DIPK1A: variants seen among roughly 807,000 people sequenced by gnomAD.
DIPK1A encodes divergent protein kinase domain 1A, also known as family with sequence similarity 69 member A.
DIPK1A carries 27 observed loss-of-function variants against 40.8 expected under a neutral mutation model. The observed-to-expected ratio is 0.66, with a 90% CI of 0.49 to 0.91. The LOEUF (loss-of-function observed/expected upper bound fraction) is 0.91, where lower values mean the gene tolerates loss of function less well. Among genes scored for constraint, DIPK1A ranks in the 40% least tolerant of loss-of-function variants. The probability of loss-of-function intolerance (pLI) is 0.00; values close to 1 mark genes in which losing one functional copy is unlikely to be tolerated. For missense variants in DIPK1A, 412 were observed against 505.7 expected (o/e 0.81, Z 1.78); for synonymous variants, 166 against 171.3 (o/e 0.97, Z 0.24).
chr1:92,913,416 C>A (rs1254103839), intron 1 of DIPK1A, among the ~76,000 whole-genome samples: 4 of 151,470 alleles, frequency 2.6e-5, no homozygotes, highest in African/African-American at 9.7e-5. Context: ...CATTTGTGTA[C>A]CTAGTTGGAG....
intron 1 of DIPK1A, among the ~76,000 whole-genome samples, chr1:92,959,213 A>G (rs1651961515): frequency 6.6e-6 from 1 of 152,032 alleles, no homozygotes. Flanking sequence ...CTGAGCCTGG[A>G]AAGTCCAGGC....
intron 2 of DIPK1A, among the ~76,000 whole-genome samples, chr1:92,862,058 G>A (rs1647306911): frequency 6.6e-6 from 1 of 152,122 alleles, no homozygotes; most frequent in African/African-American, 2.4e-5. Flanking sequence ...GTTCTTTATG[G>A]AATTCTCTTC....
chr1:92,880,596 C>T (rs986272026), intron 1 of DIPK1A, among the ~76,000 whole-genome samples: 6 of 152,274 alleles, frequency 3.9e-5, no homozygotes, highest in Admixed American at 1.3e-4. Flanking sequence ...TCTGGCCACG[C>T]GGTGGCTCAC....
intron 1 of DIPK1A, among the ~76,000 whole-genome samples, chr1:92,914,832 T>A (rs1296595165): frequency 2.7e-5 from 4 of 146,722 alleles, no homozygotes; most frequent in Non-Finnish European, 4.4e-5. Context: ...ACACCTGTAA[T>A]CCCAGCACTT....
At chr1:92,951,839 T>A (rs1225420766) in intron 1 of DIPK1A, among the ~76,000 whole-genome samples, 4 of 152,014 alleles carry the variant, frequency 2.6e-5, no homozygotes, top group African/African-American at 9.7e-5. Context: ...TCTTATACCC[T>A]ATACCTACCT....
At position 92,843,572 on chromosome 1, in the gene DIPK1A, A is replaced by C. The variant is rs548325047; in HGVS notation, c.1098T>G (p.Ala366=). ...GTAGGTAGTCTTTGAGTAACTGACA[A>C]GCTTTTGCCAAGTTTGGTTGTATCA... ...SEVIQPNLAK[A]CQLLKDYLLR... The change falls in exon 5 of 5, where the codon GCT becomes GCG. Residue 366 remains alanine, a synonymous_variant. Transcript: ENST00000370310. The C allele has an allele frequency of 6.4e-7, 1 of 1,552,040 alleles. No individual in the cohort carries two copies. The highest frequency in any genetic ancestry group is 1.4e-5 in the African/African-American group (1 of 73,160).
chr1:92,866,114 T>G (rs1197524036), intron 2 of DIPK1A, among the ~76,000 whole-genome samples: 2 of 152,178 alleles, frequency 1.3e-5, no homozygotes, highest in Admixed American at 6.5e-5. Flanking sequence ...TGTTTGTTTG[T>G]TTTTTGAGAC....
Position 92,846,851 on chromosome 1 carries a change from ATATATATGTGTG to A in DIPK1A, c.474+320_474+331del, listed in dbSNP as rs1328208494. Among the ~76,000 whole-genome samples the A allele has an allele frequency of 9.5e-4, 10 of 10,580 alleles. 1 individual carries two copies. Among genetic ancestry groups the A allele is most frequent in the African/African-American group, 4.2e-3 (7 of 1,656 alleles). The allele number at this position is 10,580 out of a possible 152,430, so 6.9% of individuals were successfully genotyped here. On this transcript the variant is annotated intron_variant, in intron 4 of 4. Coordinates refer to ENST00000370310, the MANE Select transcript of DIPK1A (RefSeq NM_001006605.5). The stretch of plus-strand genomic sequence containing the variant: ...TATATATATATATATATGTGTGTAT[ATATATATGTGTG>A]TATATATATATATATATATACACAC...
downstream of DIPK1A, among the ~76,000 whole-genome samples, chr1:92,841,077 T>A (rs1403886689): frequency 7.2e-5 from 11 of 152,246 alleles, no homozygotes; most frequent in Non-Finnish European, 1.6e-4. Context: ...TTTATTCTCT[T>A]AATTGTGAAA....
chr1:92,842,655 T>C lies in DIPK1A; in HGVS notation c.*728A>G. 1.0e-6 allele frequency: 1 copy of C among 985,374 alleles called. No individual in the cohort carries two copies. The highest frequency in any genetic ancestry group is 1.2e-6 in the Non-Finnish European group (1 of 829,870). The allele number at this position is 985,374 out of a possible 1,614,324, so 61.0% of individuals were successfully genotyped here. On this transcript the variant is annotated 3_prime_UTR_variant, in exon 5 of 5. Transcript: ENST00000370310. ...AGTTCAAAATCAGGATATGTGGATC[T>C]TGATTGGGCCTTAAGATGTCAGTTT...
At chr1:92,953,762 G>A (rs934309710) in intron 1 of DIPK1A, among the ~76,000 whole-genome samples, 6 of 152,122 alleles carry the variant, frequency 3.9e-5, no homozygotes, top group African/African-American at 1.4e-4. Flanking sequence ...TCGTTCAATG[G>A]GTAGAGTTTC....
intron 1 of DIPK1A, among the ~76,000 whole-genome samples, chr1:92,918,147 G>A (rs967960820): frequency 4.6e-5 from 7 of 151,940 alleles, no homozygotes; most frequent in Non-Finnish European, 1.0e-4. Context: ...TCTAGGTAAG[G>A]AGTCATTTCT....
In DIPK1A at chr1:92,846,911, G is replaced by GTA. The variant is rs36139888; in HGVS notation, c.474+270_474+271dup. Among the ~76,000 whole-genome samples, 42 of 11,608 alleles carry GTA rather than the reference G, an allele frequency of 3.6e-3. 1 individual carries two copies. The highest frequency in any genetic ancestry group is 0.03 in the East Asian group (16 of 530). 7.6% of individuals were successfully genotyped at this position (11,608 alleles called of 152,430 possible). ...CACACACGTATATATATATATACGT[G>GTA]TATATATATATATATATAGCTGAGG... On this transcript the variant is annotated intron_variant, in intron 4 of 4. Transcript: ENST00000370310.
At chr1:92,885,322 A>G (rs1648548211) in intron 1 of DIPK1A, among the ~76,000 whole-genome samples, 2 of 152,194 alleles carry the variant, frequency 1.3e-5, no homozygotes, top group Non-Finnish European at 2.9e-5. Flanking sequence ...CCAGAACAGA[A>G]CAACATTTCT....
chr1:92,900,960 T>C (rs1325045956), intron 1 of DIPK1A, among the ~76,000 whole-genome samples: 2 of 152,138 alleles, frequency 1.3e-5, no homozygotes, highest in Non-Finnish European at 2.9e-5. Context: ...TAAAGTGGTT[T>C]TCATAGAGAA....
At chr1:92,869,508 C>A (rs1297371103) in intron 2 of DIPK1A, among the ~76,000 whole-genome samples, 1 of 152,006 alleles carries the variant, frequency 6.6e-6, no homozygotes, top group Non-Finnish European at 1.5e-5. Context: ...AAAGATTTTG[C>A]CAACTTTTGA....
chr1:92,923,327 C>T (rs4300228), intron 1 of DIPK1A, among the ~76,000 whole-genome samples: 89,608 of 151,748 alleles, frequency 0.59, 27,613 homozygotes, highest in East Asian at 0.94. Flanking sequence ...TTAGTAGAGA[C>T]GGGATTTCAC....
At chr1:92,911,406 C>G (rs1287725245) in intron 1 of DIPK1A, among the ~76,000 whole-genome samples, 2 of 152,152 alleles carry the variant, frequency 1.3e-5, no homozygotes, top group African/African-American at 2.4e-5. Flanking sequence ...GCCTCTAAAA[C>G]TTTGAGAAAT....
intron 2 of DIPK1A, among the ~76,000 whole-genome samples, chr1:92,861,606 C>T (rs1360702508): frequency 2.0e-5 from 3 of 151,960 alleles, no homozygotes; most frequent in South Asian, 2.1e-4. Context: ...GGATTACAGG[C>T]GTGAGCTGCT....
Sources: allele counts gnomAD v4.1 joint callset (sites outside exome capture counted in the v4.1 genomes callset), GRCh38; gene constraint gnomAD v4.1.1; transcripts MANE v1.5; gene names NCBI Gene and HGNC (gene_info 2026-07-23, HGNC 2026-07-21).